The following RPSA2 variants were observed in gnomAD, a reference collection of about 807,000 sequenced individuals.
RPSA2 encodes the protein small ribosomal subunit protein uS2B.
the RPSA2 span, among the ~76,000 whole-genome samples, chr19:23,838,359 G>A: frequency 1.3e-5 from 2 of 152,054 alleles, no homozygotes; most frequent in Non-Finnish European, 2.9e-5. Context: ...AAGGATTTTA[G>A]CATTAATGTT....
At chr19:23,844,342 A>G in the RPSA2 span, among the ~76,000 whole-genome samples, 1 of 152,172 alleles carries the variant, frequency 6.6e-6, no homozygotes, top group Non-Finnish European at 1.5e-5. Flanking sequence ...GCATGCTGTG[A>G]TAAACATGCA....
At chr19:23,870,524 AC>A in the RPSA2 span, among the ~76,000 whole-genome samples, 1 of 6,112 alleles carries the variant, frequency 1.6e-4, no homozygotes, top group Non-Finnish European at 7.7e-3. Flanking sequence ...TTGGTGAATT[AC>A]AAAAAAAAGT....
chr19:23,780,324 A>G, the RPSA2 span, among the ~76,000 whole-genome samples: 1 of 152,136 alleles, frequency 6.6e-6, no homozygotes, highest in African/African-American at 2.4e-5. Flanking sequence ...CATAATTCTC[A>G]TGCACAGATG....
chr19:23,772,741 G>A, the RPSA2 span, among the ~76,000 whole-genome samples: 20 of 152,260 alleles, frequency 1.3e-4, 1 homozygote, highest in Middle Eastern at 3.4e-3. Context: ...AATCTCAAAT[G>A]CAAACACTGT....
chr19:23,761,921 T>TCTCTCTCTCTCTCTCTCGCTCTCTCTCTC, the RPSA2 span, among the ~76,000 whole-genome samples: 1,653 of 76,194 alleles, frequency 0.022, 270 homozygotes, highest in Non-Finnish European at 0.031. Context: ...TCTTTCTTTC[T>TCTCTCTCTCTCTCTCTCGCTCTCTCTCTC]TTTTTTTTTT....
chr19:23,758,614 T>C, the RPSA2 span: 1 of 1,354,588 alleles, frequency 7.4e-7, no homozygotes, highest in East Asian at 2.3e-5. Context: ...GCCGCCATCT[T>C]ATGGTCCAAG....
chr19:23,858,532 G>A, the RPSA2 span, among the ~76,000 whole-genome samples: 2 of 152,208 alleles, frequency 1.3e-5, no homozygotes, highest in African/African-American at 4.8e-5. Flanking sequence ...CAGATAGTGA[G>A]TGCAAGGAAG....
the RPSA2 span, among the ~76,000 whole-genome samples, chr19:23,868,630 G>T: frequency 6.6e-6 from 1 of 152,190 alleles, no homozygotes; most frequent in African/African-American, 2.4e-5. Flanking sequence ...AAAGACATTG[G>T]CAAGTGTTAG....
the RPSA2 span, among the ~76,000 whole-genome samples, chr19:23,864,558 C>A: frequency 0.33 from 50,521 of 151,992 alleles, 8,660 homozygotes; most frequent in Non-Finnish European, 0.38. Context: ...TACATGGTCA[C>A]CACTATCCAG....
chr19:23,759,522 G>GTTTTTTTTTTTTTT, the RPSA2 span, among the ~76,000 whole-genome samples: 152 of 89,040 alleles, frequency 1.7e-3, 17 homozygotes, highest in South Asian at 3.4e-3. Context: ...TATATATCAG[G>GTTTTTTTTTTTTTT]TTTTTTTTTT....
chr19:23,766,568 C>T, the RPSA2 span, among the ~76,000 whole-genome samples: 1 of 151,448 alleles, frequency 6.6e-6, no homozygotes, highest in Non-Finnish European at 1.5e-5. Flanking sequence ...CATTCTCCTG[C>T]CTCAGCCTTC....
chr19:23,785,760 GCT>G, the RPSA2 span, among the ~76,000 whole-genome samples: 1 of 152,154 alleles, frequency 6.6e-6, no homozygotes, highest in Non-Finnish European at 1.5e-5. Flanking sequence ...TTTTGGTCTA[GCT>G]CACAGGTGCA....
At chr19:23,766,142 C>CTTT in the RPSA2 span, among the ~76,000 whole-genome samples, 245 of 43,288 alleles carry the variant, frequency 5.7e-3, 93 homozygotes, top group Middle Eastern at 0.016. Context: ...TATTTCATTT[C>CTTT]CTTTTTTTTT....
At chr19:23,849,783 A>AT in the RPSA2 span, among the ~76,000 whole-genome samples, 25 of 152,104 alleles carry the variant, frequency 1.6e-4, no homozygotes, top group African/African-American at 2.9e-4. Flanking sequence ...CATATGAGTC[A>AT]TTTTTTTTAA....
At chr19:23,850,766 G>A in the RPSA2 span, among the ~76,000 whole-genome samples, 3 of 152,166 alleles carry the variant, frequency 2.0e-5, no homozygotes, top group East Asian at 3.9e-4. Flanking sequence ...CTGTATAATG[G>A]CTTTCAGCTG....
the RPSA2 span, among the ~76,000 whole-genome samples, chr19:23,839,710 C>T: frequency 6.6e-6 from 1 of 152,182 alleles, no homozygotes; most frequent in East Asian, 1.9e-4. Flanking sequence ...CTCTGTCCTC[C>T]TCCCTCTCCC....
the RPSA2 span, chr19:23,790,838 C>T: frequency 1.9e-6 from 1 of 535,154 alleles, no homozygotes; most frequent in Non-Finnish European, 3.4e-6. Flanking sequence ...TGGGAAGCAG[C>T]TGTGGTGGGA....
chr19:23,800,060 G>A, the RPSA2 span, among the ~76,000 whole-genome samples: 10 of 137,028 alleles, frequency 7.3e-5, no homozygotes, highest in African/African-American at 1.9e-4. Flanking sequence ...ACAGAGTCTC[G>A]CTGTATTTCC....
the RPSA2 span, among the ~76,000 whole-genome samples, chr19:23,815,681 G>A: frequency 0.011 from 1,668 of 152,150 alleles, 33 homozygotes; most frequent in African/African-American, 0.038. Context: ...CTGCAATGTC[G>A]TCTAGGCTTT....
Sources: allele counts gnomAD v4.1 joint callset (sites outside exome capture counted in the v4.1 genomes callset), GRCh38; gene constraint gnomAD v4.1.1; transcripts MANE v1.5; gene names NCBI Gene and HGNC (gene_info 2026-07-23, HGNC 2026-07-21).